PDCD7: variants seen among roughly 807,000 people sequenced by gnomAD.
The protein encoded by PDCD7 is programmed cell death 7.
PDCD7 carries 40 observed loss-of-function variants against 42.1 expected under a neutral mutation model. The observed-to-expected ratio is 0.95, with a 90% confidence interval of 0.74 to 1.24. The LOEUF (loss-of-function observed/expected upper bound fraction) is 1.24. PDCD7 is among the 50% of genes most tolerant of loss of function. The pLI is 0.00. For synonymous variants in PDCD7, 299 were observed against 303.3 expected (o/e 0.99, Z 0.15); for missense variants, 644 against 662.8 (o/e 0.97, Z 0.31).
intron 1 of PDCD7, among the ~76,000 whole-genome samples, chr15:65,130,219 G>A (rs1244162123): frequency 1.4e-5 from 2 of 145,326 alleles, no homozygotes; most frequent in South Asian, 4.4e-4. Context: ...GGGCAATGGC[G>A]CGATCTCGGC....
chr15:65,127,499 C>G (rs1181513568), intron 2 of PDCD7, among the ~76,000 whole-genome samples: 9 of 152,076 alleles, frequency 5.9e-5, no homozygotes, highest in Non-Finnish European at 1.2e-4. Flanking sequence ...CAGCGGTTCC[C>G]CAAAGCTTTA....
rs372726216 is a variant in PDCD7 at position 65,118,766 on chromosome 15, G to A, written c.1409C>T (p.Pro470Leu). 16 of 1,610,154 alleles carry A rather than the reference G, an allele frequency of 9.9e-6. No homozygotes were observed. The highest frequency in any genetic ancestry group is 1.4e-5 in the Non-Finnish European group (16 of 1,178,510). ...GNFVPQGWVL[P>L]PLPSNDIWAT... is the part of the protein sequence containing the mutation. ...CCAGATGTCGTTGCTGGGGAGCGGG[G>A]GAAGGACCCATCCTTGGGGAACGAA... The change falls in exon 5 of 5, where the codon CCC (proline) becomes CTC (leucine). Residue 470 changes from proline to leucine, a missense_variant. Coordinates refer to ENST00000204549, the MANE Select transcript of PDCD7 (RefSeq NM_005707.2).
At chr15:65,126,755 T>C (rs1267985021) in intron 2 of PDCD7, among the ~76,000 whole-genome samples, 1 of 128,416 alleles carries the variant, frequency 7.8e-6, no homozygotes, top group Non-Finnish European at 1.7e-5. Context: ...CCCTGTCTTT[T>C]AAAAAAAAAA....
chr15:65,119,475 A>G lies in PDCD7; in HGVS notation c.1247-12T>C. 1 of 1,580,856 alleles carries G rather than the reference A, an allele frequency of 6.3e-7. No individual in the cohort carries two copies. Among genetic ancestry groups the G allele is most frequent in the Non-Finnish European group, 8.7e-7 (1 of 1,149,670 alleles). Reference sequence around the variant, plus strand: ...AAGTGGGAACTCATCTGAAAGAGAAAAGCACAATACCACGTTATCATGCTT... The same window carrying G: ...AAGTGGGAACTCATCTGAAAGAGAAGAGCACAATACCACGTTATCATGCTT... On this transcript the variant is annotated splice_polypyrimidine_tract_variant and intron_variant, in intron 3 of 4. Transcript: ENST00000204549.
At chr15:65,119,485 C>T in intron 3 of PDCD7, 22 bp from the exon 4 acceptor site, 1 of 1,529,230 alleles carries the variant, frequency 6.5e-7, no homozygotes, top group Non-Finnish European at 9.1e-7. Context: ...AAGCACAATA[C>T]CACGTTATCA....
chr15:65,121,054 T>C (rs931403723), intron 2 of PDCD7, among the ~76,000 whole-genome samples: 14 of 132,412 alleles, frequency 1.1e-4, no homozygotes, highest in Non-Finnish European at 1.8e-4. Flanking sequence ...ACTTTCTTTC[T>C]TTTTTTTTTT....
At chr15:65,128,695 C>A (rs1021292899) in intron 2 of PDCD7, among the ~76,000 whole-genome samples, 8 of 152,314 alleles carry the variant, frequency 5.3e-5, no homozygotes, top group African/African-American at 1.9e-4. Context: ...GGGTGAAAAG[C>A]TTTCACTCTG....
At chr15:65,120,543 C>T (rs990100578) in intron 2 of PDCD7, among the ~76,000 whole-genome samples, 1 of 152,038 alleles carries the variant, frequency 6.6e-6, no homozygotes, top group African/African-American at 2.4e-5. Flanking sequence ...CCCGTCTCTA[C>T]TAAAAATACA....
At chr15:65,129,912 T>C (rs1566973021) in intron 1 of PDCD7, among the ~76,000 whole-genome samples, 13 of 149,934 alleles carry the variant, frequency 8.7e-5, no homozygotes, top group Non-Finnish European at 4.5e-5. Context: ...AGTGAAACTT[T>C]GTATTTTTTT....
intron 4 of PDCD7, 167 bp downstream of exon 4, chr15:65,119,209 T>A: frequency 1.7e-6 from 1 of 577,110 alleles, no homozygotes; most frequent in South Asian, 2.6e-5. Flanking sequence ...ACAAGATGTA[T>A]GCAGCATCCT....
At chr15:65,124,169 C>T (rs1220519498) in intron 2 of PDCD7, among the ~76,000 whole-genome samples, 1 of 152,098 alleles carries the variant, frequency 6.6e-6, no homozygotes, top group East Asian at 1.9e-4. Flanking sequence ...CACCTGTAAT[C>T]CCAACACTTT....
chr15:65,128,456 T>C (rs1411441356), intron 2 of PDCD7, among the ~76,000 whole-genome samples: 1 of 152,120 alleles, frequency 6.6e-6, no homozygotes, highest in African/African-American at 2.4e-5. Context: ...GCCAGCATGG[T>C]TGAAACAAAC....
At position 65,133,777 on chromosome 15, in the gene PDCD7, G is replaced by A. The variant is rs2087565520; in HGVS notation, c.5C>T (p.Ala2Val). 1.5e-6 allele frequency: 2 copies of A among 1,360,676 alleles called. No individual in the cohort carries two copies. The highest frequency in any genetic ancestry group is 3.0e-5 in the East Asian group (1 of 33,058). The allele number at this position is 1,360,676 out of a possible 1,614,324, so 84.3% of individuals were successfully genotyped here. ...ACCCTGGCCGAAGAATGGTGGCAGG[G>A]CCATGTTCACGACGGAGATGCTTTG... M[A>V]LPPFFGQGRP... is the part of the protein sequence containing the mutation. The change falls in exon 1 of 5, where the codon GCC becomes GTC. Residue 2 changes from alanine to valine, a missense_variant. Ala to Val is a moderately conservative substitution (Grantham distance 64). Coordinates refer to ENST00000204549, the MANE Select transcript of PDCD7 (RefSeq NM_005707.2).
At chr15:65,130,438 A>T (rs1442874815) in intron 1 of PDCD7, among the ~76,000 whole-genome samples, 5 of 152,182 alleles carry the variant, frequency 3.3e-5, no homozygotes, top group Non-Finnish European at 1.5e-5. Context: ...GATTACAGGC[A>T]TGACCACGGC....
chr15:65,133,150 T>C lies in PDCD7; in HGVS notation c.632A>G (p.Gln211Arg). The C allele has an allele frequency of 2.6e-6, 4 of 1,530,634 alleles. No individual in the cohort carries two copies. Among genetic ancestry groups the C allele is most frequent in the Non-Finnish European group, 3.5e-6 (4 of 1,145,340 alleles). 94.8% of individuals were successfully genotyped at this position (1,530,634 alleles called of 1,614,324 possible). A position where few individuals can be genotyped will look rare whatever the true frequency, so the allele number is the denominator to read the frequency against. The change falls in exon 1 of 5, where the codon CAG (glutamine) becomes CGG (arginine). Residue 211 changes from glutamine (Q) to arginine (R), a missense_variant. By Grantham distance (43) the Gln-to-Arg change is conservative. Coordinates refer to ENST00000204549, the MANE Select transcript of PDCD7 (RefSeq NM_005707.2). Reference protein sequence around the residue: ...DGAAWVLLYSQTAPLRAELAE... With the variant: ...DGAAWVLLYSRTAPLRAELAE... ...CAGTTCCGCGCGCAGCGGCGCGGTC[T>C]GGGAGTACAGCAGGACCCAGGCCGC...
Position 65,132,952 on chromosome 15 carries a change from C to T in PDCD7, c.830G>A (p.Trp277Ter). The T allele has an allele frequency of 2.5e-6, 4 of 1,606,446 alleles. No individual in the cohort carries two copies. The highest frequency in any genetic ancestry group is 3.4e-6 in the Non-Finnish European group (4 of 1,179,864). ...CACCTCCTGCACACACTTCACCCTC[C>T]AGCGGTCAATCTCCTGCTCGCGTTC... ...AVEREQEIDRWRVKCVQEVEE... is the reference protein window; with the variant it reads ...AVEREQEIDR Residue 277 changes from tryptophan to a stop codon, truncating the protein, a stop_gained, in exon 1 of 5, where the codon TGG becomes TAG. Coordinates refer to ENST00000204549, the MANE Select transcript of PDCD7 (RefSeq NM_005707.2). LOFTEE classifies it high-confidence loss of function.
chr15:65,132,794 G>A, intron 1 of PDCD7, 118 bp downstream of exon 1: 1 of 1,446,486 alleles, frequency 6.9e-7, no homozygotes, highest in Non-Finnish European at 9.3e-7. Context: ...GTTAGCTATC[G>A]CTTCATTTTG....
chr15:65,133,716 A>T lies in PDCD7; in HGVS notation c.66T>A (p.Pro22=). 1.5e-6 allele frequency: 2 copies of T among 1,312,884 alleles called. No homozygotes were observed. The highest frequency in any genetic ancestry group is 1.9e-6 in the Non-Finnish European group (2 of 1,026,234). 81.3% of individuals were successfully genotyped at this position (1,312,884 alleles called of 1,614,324 possible). Residue 22 remains proline, a synonymous_variant, in exon 1 of 5, where the codon CCT becomes CCA. Transcript: ENST00000204549. The stretch of plus-strand genomic sequence containing the variant: ...GCGGTGGCGGACAGCCGAAAGGAGC[A>T]GGAGGCGGCGGCTGCGGGGGCGGTG... The part of the protein sequence containing the change: ...PGPPPPQPPP[P]APFGCPPPPL...
chr15:65,119,680 G>T, intron 3 of PDCD7, 38 bp downstream of exon 3: 2 of 1,580,414 alleles, frequency 1.3e-6, no homozygotes, highest in Non-Finnish European at 1.7e-6. Flanking sequence ...CGTCAATCTA[G>T]TATTTTCATT....
Sources: gnomAD v4.1 joint callset for allele counts (sites outside exome capture counted in the v4.1 genomes callset) on GRCh38, gnomAD v4.1.1 for gene constraint, MANE v1.5 for transcripts, NCBI Gene and HGNC (gene_info 2026-07-23, HGNC 2026-07-21) for gene names.